Variants in KIF26A observed in about 807,000 individuals in gnomAD.
KIF26A encodes kinesin family member 26A, also known as kinesin-like protein KIF26A.
KIF26A carries 74 observed loss-of-function variants against 126.0 expected under a neutral mutation model. The observed-to-expected ratio is 0.59, with a 90% confidence interval of 0.49 to 0.71. The LOEUF (loss-of-function observed/expected upper bound fraction) is 0.71, where lower values mean the gene tolerates loss of function less well. Among genes scored for constraint, KIF26A ranks in the 30% least tolerant of loss-of-function variants. The pLI, the probability that KIF26A is intolerant of heterozygous loss-of-function variation, is 0.00. For synonymous variants in KIF26A, 1,445 were observed against 1,232.7 expected, an observed-to-expected ratio of 1.17 and a Z score of -3.61; for missense variants, 2,984 against 2,763.3, an observed-to-expected ratio of 1.08 and a Z score of -1.79.
chr14:104,152,245 G>A lies in KIF26A; in HGVS notation c.519G>A (p.Thr173=), dbSNP rs774890998. The change falls in exon 3 of 15, where the codon ACG becomes ACA. Residue 173 remains threonine (T), a synonymous_variant. Transcript: ENST00000423312. This position sits in a 1 kb window ranked among gnomAD's most constrained non-coding sequence, Gnocchi z 5.9. ...PPSTTTSSRD[T]PGPAGPAGRQ... ...GCACCACGACCAGCTCGAGGGACAC[G>A]CCAGGACCAGCGGGTCCTGCAGGGA... 7.3e-5 allele frequency: 117 copies of A among 1,595,860 alleles called. No individual in the cohort carries two copies. Among genetic ancestry groups the A allele is most frequent in the Admixed American group, 1.0e-4 (6 of 57,876 alleles).
At position 104,179,298 on chromosome 14, in the gene KIF26A, G is replaced by C. The variant is rs557288447; in HGVS notation, c.5379G>C (p.Glu1793Asp). 11 of 1,536,932 alleles carry C rather than the reference G, an allele frequency of 7.2e-6. No homozygotes were observed. The East Asian group carries it at 2.7e-4, about 38-fold the overall frequency. ...LAERRQQRLREVQAKHKHLCE... is the reference protein window; with the variant it reads ...LAERRQQRLRDVQAKHKHLCE... ...AGCGCAGGCAGCAGCGGCTGCGGGAGGTGCAGGCCAAGCACAAGCACCTGT... is the reference window on the plus strand; with the variant it reads ...AGCGCAGGCAGCAGCGGCTGCGGGACGTGCAGGCCAAGCACAAGCACCTGT... The change falls in exon 14 of 15, where the codon GAG (glutamate) becomes GAC (aspartate). Residue 1793 changes from glutamate (E) to aspartate (D), a missense_variant. Glu to Asp is a conservative substitution (Grantham distance 45, BLOSUM62 2). Coordinates refer to ENST00000423312, the MANE Select transcript of KIF26A (RefSeq NM_015656.2).
rs190523192 is a variant in KIF26A at position 104,179,909 on chromosome 14, G to T, written c.*119G>T. On this transcript the variant is annotated 3_prime_UTR_variant, in exon 15 of 15. Coordinates refer to ENST00000423312, the MANE Select transcript of KIF26A (RefSeq NM_015656.2). The stretch of plus-strand genomic sequence containing the variant: ...ATGCGGAGGGGTTTCTGTGCAGGAC[G>T]GGAGTCTCAGAGAGGAGACGGAGTG... 3 of 1,087,342 alleles carry T rather than the reference G, an allele frequency of 2.8e-6. No individual in the cohort carries two copies. In the African/African-American group the frequency reaches 4.8e-5, roughly 17 times the overall value. 67.4% of individuals were successfully genotyped at this position (1,087,342 alleles called of 1,614,324 possible).
rs12887046 is a variant in KIF26A at position 104,145,443 on chromosome 14, C to G, written c.288+6155C>G. On this transcript the variant is annotated intron_variant, in intron 2 of 14. Coordinates refer to ENST00000423312, the MANE Select transcript of KIF26A (RefSeq NM_015656.2). ...TGTAGGGCTGGGGATGGGTGGGTGG[C>G]CCAGCCCGGTGCCCGGGGCTGATGG... Among the ~76,000 whole-genome samples, 704 of 152,184 alleles carry G rather than the reference C, an allele frequency of 4.6e-3. 5 individuals are homozygous for G. Among genetic ancestry groups the G allele is most frequent in the Non-Finnish European group, 8.1e-3 (552 of 67,988 alleles).
chr14:104,178,799 G>C, intron 13 of KIF26A, 44 bp downstream of exon 13: 4 of 1,158,982 alleles, frequency 3.5e-6, no homozygotes, highest in South Asian at 3.0e-5. Context: ...CTGGTGGGGA[G>C]CCTGCCGCGG....
At chr14:104,166,560 G>A (rs1038268664) in intron 4 of KIF26A, among the ~76,000 whole-genome samples, 2 of 152,118 alleles carry the variant, frequency 1.3e-5, no homozygotes, top group Admixed American at 1.3e-4. Context: ...CCTTGGTGGG[G>A]GGATGGCATT....
At chr14:104,149,409 C>T (rs1331269249) in intron 2 of KIF26A, among the ~76,000 whole-genome samples, 1 of 152,202 alleles carries the variant, frequency 6.6e-6, no homozygotes, top group Non-Finnish European at 1.5e-5. Context: ...TACCCTGGCC[C>T]AGATGCCTGG....
intron 4 of KIF26A, among the ~76,000 whole-genome samples, chr14:104,163,659 G>C (rs376860202): frequency 0.013 from 2,024 of 151,934 alleles, 60 homozygotes; most frequent in African/African-American, 0.047. Flanking sequence ...CTACCAGAGG[G>C]TCACGAACCT....
chr14:104,148,112 A>G lies in KIF26A; in HGVS notation c.289-3903A>G, dbSNP rs145703755. On this transcript the variant is annotated intron_variant, in intron 2 of 14. Transcript: ENST00000423312. This position sits in a 1 kb window ranked among gnomAD's most constrained non-coding sequence, Gnocchi z 4.3. The stretch of plus-strand genomic sequence containing the variant: ...TGGAGTGGGGAGACTTCTCTCCTGC[A>G]GTGACGGGGAGCGGGGAGTCCCCGG... Among the ~76,000 whole-genome samples the G allele has an allele frequency of 6.6e-6, 1 of 152,140 alleles. No homozygotes were observed. The highest frequency in any genetic ancestry group is 2.4e-5 in the African/African-American group (1 of 41,430).
rs1181204213 is a variant in KIF26A, at chr14:104,175,953, T to C, written c.3165T>C (p.Ala1055=). The change falls in exon 12 of 15, where the codon GCT becomes GCC. Residue 1055 remains alanine (A), a synonymous_variant. Transcript: ENST00000423312. The part of the protein sequence containing the change: ...LAGAGRPTSL[A]SFDSDCSLRA... ...GAGCTGGGCGGCCCACCAGCCTGGCTAGCTTCGACAGTGACTGCTCCCTGC... is the reference window on the plus strand; with the variant it reads ...GAGCTGGGCGGCCCACCAGCCTGGCCAGCTTCGACAGTGACTGCTCCCTGC... The C allele has an allele frequency of 3.2e-6, 5 of 1,566,944 alleles. No homozygotes were observed. The highest frequency in any genetic ancestry group is 2.3e-5 in the South Asian group (2 of 86,214).
intron 2 of KIF26A, among the ~76,000 whole-genome samples, chr14:104,150,118 C>G (rs56685852): frequency 4.9e-5 from 7 of 143,852 alleles, no homozygotes; most frequent in Admixed American, 6.9e-5. Context: ...GGCCCTCCCC[C>G]TCCTGGTCCC....
chr14:104,173,630 G>C (rs2037983990), intron 9 of KIF26A, 76 bp from the exon 10 acceptor site: 1 of 1,552,988 alleles, frequency 6.4e-7, no homozygotes, highest in Admixed American at 1.9e-5. Flanking sequence ...TCCCCAGCTT[G>C]GGCCTGGGGT....
At chr14:104,172,115 G>T (rs1343936724) in intron 6 of KIF26A, among the ~76,000 whole-genome samples, 180 bp downstream of exon 6, 1 of 152,250 alleles carries the variant, frequency 6.6e-6, no homozygotes, top group East Asian at 1.9e-4. Context: ...GCGTCCTTGG[G>T]TGTCTCCATC....
chr14:104,174,907 T>C, intron 11 of KIF26A, 75 bp from the exon 12 acceptor site: 2 of 1,417,692 alleles, frequency 1.4e-6, no homozygotes, highest in South Asian at 2.9e-5. Flanking sequence ...ATTGGCCCTG[T>C]GCTCTGGGGA....
chr14:104,138,862 C>G, intron 1 of KIF26A, 98 bp downstream of exon 1: 8 of 1,260,352 alleles, frequency 6.3e-6, no homozygotes, highest in Non-Finnish European at 8.0e-6. Flanking sequence ...GCCGGGCCTC[C>G]TGCTGAGGGT....
chr14:104,146,914 G>A (rs1014602402), intron 2 of KIF26A, among the ~76,000 whole-genome samples: 1 of 152,120 alleles, frequency 6.6e-6, no homozygotes, highest in African/African-American at 2.4e-5. Context: ...GGGATCCTGG[G>A]CACTCTTGGC....
intron 2 of KIF26A, among the ~76,000 whole-genome samples, chr14:104,147,797 G>A (rs1482256512): frequency 1.3e-5 from 2 of 152,244 alleles, no homozygotes; most frequent in African/African-American, 4.8e-5. Context: ...TGGAGGTCAT[G>A]GCCCATGGGG....
At chr14:104,178,951 G>A (rs1038914773) in intron 13 of KIF26A, among the ~76,000 whole-genome samples, 196 bp downstream of exon 13, 4 of 152,074 alleles carry the variant, frequency 2.6e-5, no homozygotes, top group East Asian at 1.9e-4. Flanking sequence ...TTGCAGCTCC[G>A]ACACTCCCCT....
At chr14:104,166,835 C>A in intron 4 of KIF26A, 24 bp from the exon 5 acceptor site, 1 of 1,530,830 alleles carries the variant, frequency 6.5e-7, no homozygotes. Context: ...CACCACTGAT[C>A]CTGCCTCTGC....
Position 104,139,079 on chromosome 14 carries a change from C to T in KIF26A, c.79C>T (p.Leu27=). ...CGGCCCGGCCCGCGAGCCGCCGCCG[C>T]TGCTGGAGGTGTCCCCCCGAAAGAG... ...EGGPAREPPP[L]LEVSPRKRLP... is the part of the protein sequence containing the mutation. Residue 27 remains leucine (L), a synonymous_variant, in exon 2 of 15, where the codon CTG becomes TTG. Transcript: ENST00000423312. 2.8e-6 allele frequency: 4 copies of T among 1,426,092 alleles called. No individual in the cohort carries two copies. Among genetic ancestry groups the T allele is most frequent in the Non-Finnish European group, 3.7e-6 (4 of 1,095,022 alleles). The allele number at this position is 1,426,092 out of a possible 1,614,324, so 88.3% of individuals were successfully genotyped here.
Sources: allele counts gnomAD v4.1 joint callset (sites outside exome capture counted in the v4.1 genomes callset), GRCh38; gene constraint gnomAD v4.1.1; non-coding constraint Gnocchi (gnomAD v3.1); transcripts MANE v1.5; gene names NCBI Gene and HGNC (gene_info 2026-07-23, HGNC 2026-07-21).